MEGF6: variants seen among roughly 807,000 people sequenced by gnomAD.
MEGF6 encodes the protein multiple EGF like domains 6.
MEGF6 carries 184 observed loss-of-function variants against 207.1 expected under a neutral mutation model. The ratio of observed to expected loss-of-function variants is 0.89; its 90% confidence interval spans 0.79 to 1.00. The LOEUF (loss-of-function observed/expected upper bound fraction) is 1.00, where lower values mean the gene tolerates loss of function less well. Ranked by LOEUF, MEGF6 falls within the 50% of genes least tolerant of loss-of-function variation. The probability of loss-of-function intolerance (pLI) is 0.00; values close to 1 mark genes in which losing one functional copy is unlikely to be tolerated. For synonymous variants in MEGF6, 1,038 were observed against 910.0 expected (o/e 1.14, Z -2.53); for missense variants, 2,282 against 2,202.9 (o/e 1.04, Z -0.72).
rs1460482759 is a variant in MEGF6 at position 3,501,275 on chromosome 1, T to C, written c.2348A>G (p.Gln783Arg). The change falls in exon 19 of 37, where the codon CAG becomes CGG. Residue 783 changes from glutamine to arginine, a missense_variant. By Grantham distance (43) the Gln-to-Arg change is conservative (BLOSUM62 1). Coordinates refer to ENST00000356575, the MANE Select transcript of MEGF6 (RefSeq NM_001409.4). ...GTGCTGGCATGCTGGGCAGATCTCC[T>C]GGCAGCCCAGCCCCCAGCGGCCCTC... is the stretch of plus-strand genomic sequence containing the variant. ...CPEGRWGLGC[Q>R]EICPACQHAA... is the part of the protein sequence containing the mutation. 1 of 1,606,088 alleles carries C rather than the reference T, an allele frequency of 6.2e-7. No homozygotes were observed. The highest frequency in any genetic ancestry group is 8.5e-7 in the Non-Finnish European group (1 of 1,177,094).
In MEGF6 at chr1:3,509,251, A is replaced by G. The variant is rs776106583; in HGVS notation, c.1358-6T>C. 10 of 1,465,716 alleles carry G rather than the reference A, an allele frequency of 6.8e-6. No individual in the cohort carries two copies. In the East Asian group the frequency reaches 2.4e-4, roughly 36 times the overall value. 90.8% of individuals were successfully genotyped at this position (1,465,716 alleles called of 1,614,324 possible). ...CACCATCGGCTCCTCCAGGGCTGCC[A>G]GGGGCACAGAGGCGCCTTAGCCCCT... On this transcript the variant is annotated splice_region_variant and splice_polypyrimidine_tract_variant and intron_variant, in intron 11 of 36. Transcript: ENST00000356575.
intron 30 of MEGF6, 150 bp from the exon 31 acceptor site, chr1:3,494,891 G>A: frequency 8.2e-7 from 1 of 1,223,828 alleles, no homozygotes; most frequent in South Asian, 1.6e-5. Flanking sequence ...CACATGCCAG[G>A]GAGTGGCACC....
intron 3 of MEGF6, among the ~76,000 whole-genome samples, chr1:3,585,614 T>TGAG (rs1327024893): frequency 1.5e-5 from 2 of 131,462 alleles, no homozygotes; most frequent in African/African-American, 3.0e-5. Context: ...TGGGTGTGAG[T>TGAG]GACACATGTC....
At chr1:3,520,074 C>G (rs1461614144) in intron 5 of MEGF6, among the ~76,000 whole-genome samples, 6 of 152,246 alleles carry the variant, frequency 3.9e-5, no homozygotes, top group Non-Finnish European at 8.8e-5. Context: ...GGGAGAAGGA[C>G]AGCGGGCCCA....
intron 34 of MEGF6, 127 bp downstream of exon 34, chr1:3,493,644 G>C: frequency 7.6e-7 from 1 of 1,320,912 alleles, no homozygotes; most frequent in South Asian, 1.5e-5. Flanking sequence ...GCACAGTCCA[G>C]GTGCAGAGGC....
In MEGF6 at chr1:3,596,875, G is replaced by T. The variant is rs528379106; in HGVS notation, c.267-1428C>A. 2.0e-4 allele frequency among the ~76,000 whole-genome samples: 31 copies of T among 151,954 alleles called. 1 individual carries two copies. The South Asian group carries it at 6.2e-3, about 31-fold the overall frequency. ...TAGAGCAGAGGGAAGGTGGGAGGTG[G>T]GGGCACCCCAGCCCACAGCCCCAGC... On this transcript the variant is annotated intron_variant, in intron 2 of 36. Transcript: ENST00000356575.
intron 4 of MEGF6, among the ~76,000 whole-genome samples, chr1:3,540,716 C>A (rs1642488333): frequency 6.6e-6 from 1 of 152,182 alleles, no homozygotes. Flanking sequence ...CTCAGGGCAG[C>A]TTCACAGGGC....
Position 3,505,297 on chromosome 1 carries a change from G to A in MEGF6, c.2099C>T (p.Thr700Ile). ...GTCACAGGCCACGCCCACTGGGCAG[G>A]TGCATGCCTGCCAGCACCCCGGCCC... ...YFGPGCWQAC[T>I]CPVGVACDSV... The change falls in exon 17 of 37, where the codon ACC becomes ATC. Residue 700 changes from threonine to isoleucine, a missense_variant. Transcript: ENST00000356575. The A allele has an allele frequency of 6.2e-7, 1 of 1,612,188 alleles. No homozygotes were observed. The highest frequency in any genetic ancestry group is 8.5e-7 in the Non-Finnish European group (1 of 1,179,656).
At chr1:3,548,516 G>C (rs74050576) in intron 4 of MEGF6, among the ~76,000 whole-genome samples, 1,739 of 152,350 alleles carry the variant, frequency 0.011, 37 homozygotes, top group African/African-American at 0.04. Flanking sequence ...CAAGGCCAGG[G>C]GTCAGAGCCA....
Position 3,499,913 on chromosome 1 carries a change from C to T in MEGF6, c.2719G>A (p.Gly907Ser), listed in dbSNP as rs1463591496. The T allele has an allele frequency of 3.2e-6, 5 of 1,562,278 alleles. No homozygotes were observed. The highest frequency in any genetic ancestry group is 4.3e-6 in the Non-Finnish European group (5 of 1,154,410). ...TGCTCACAGCCGGGCCCAAAGTGGC[C>T]CTGGGGACACTCTGAGATATGCAGC... is the stretch of plus-strand genomic sequence containing the variant. ...GPRCEQQCPQGHFGPGCEQRC... is the reference protein window; with the variant it reads ...GPRCEQQCPQSHFGPGCEQRC... Residue 907 changes from glycine (G) to serine (S), a missense_variant, in exon 22 of 37, where the codon GGC becomes AGC. By Grantham distance (56) the Gly-to-Ser change is moderately conservative. Transcript: ENST00000356575.
chr1:3,579,730 G>T, intron 4 of MEGF6, 95 bp downstream of exon 4: 1 of 833,232 alleles, frequency 1.2e-6, no homozygotes, highest in Non-Finnish European at 1.8e-6. Flanking sequence ...CCCCTACACA[G>T]CTGTGCTGGG....
chr1:3,581,787 G>A (rs1047516542), intron 3 of MEGF6, among the ~76,000 whole-genome samples: 8 of 152,086 alleles, frequency 5.3e-5, no homozygotes, highest in African/African-American at 1.9e-4. Context: ...CTCGGAGCCT[G>A]GGGAAAAGCA....
rs772769708 is a variant in MEGF6 at position 3,509,232 on chromosome 1, C to T, written c.1371G>A (p.Pro457=). 16 of 1,523,758 alleles carry T rather than the reference C, an allele frequency of 1.1e-5. No homozygotes were observed. In the East Asian group the frequency reaches 2.5e-4, roughly 24 times the overall value. 94.4% of individuals were successfully genotyped at this position (1,523,758 alleles called of 1,614,324 possible). ...DRRGCSPLEE[P]MVDLDGELPF... ...GCAGCTCGCCGTCCAGGTCCACCAT[C>T]GGCTCCTCCAGGGCTGCCAGGGGCA... The change falls in exon 12 of 37, where the codon CCG becomes CCA. Residue 457 remains proline (P), a synonymous_variant. Transcript: ENST00000356575.
At position 3,605,577 on chromosome 1, in the gene MEGF6, CACAT is replaced by C. The variant is rs542100195; in HGVS notation, c.132-2981_132-2978del. 2.1e-3 allele frequency among the ~76,000 whole-genome samples: 326 copies of C among 152,168 alleles called. 3 individuals are homozygous for C. Among genetic ancestry groups the C allele is most frequent in the Middle Eastern group, 0.017 (5 of 294 alleles). ...ATACACTCATACACTCACATACACACACATACACTCATACAATGACACACACACA... is the reference window on the plus strand; with the variant it reads ...ATACACTCATACACTCACATACACACACACTCATACAATGACACACACACA... On this transcript the variant is annotated intron_variant, in intron 1 of 36. Transcript: ENST00000356575.
At chr1:3,522,771 C>T (rs907981005) in intron 5 of MEGF6, among the ~76,000 whole-genome samples, 12 of 152,152 alleles carry the variant, frequency 7.9e-5, no homozygotes, top group African/African-American at 2.7e-4. Flanking sequence ...AGAGGCCCCA[C>T]TGGGCTGACA....
chr1:3,540,788 C>T (rs193248858), intron 4 of MEGF6, among the ~76,000 whole-genome samples: 1 of 152,326 alleles, frequency 6.6e-6, no homozygotes, highest in East Asian at 1.9e-4. Context: ...CACGGCAGAG[C>T]CTTCCTGGCC....
At chr1:3,599,581 G>C (rs1416757206) in intron 2 of MEGF6, among the ~76,000 whole-genome samples, 2 of 152,254 alleles carry the variant, frequency 1.3e-5, no homozygotes, top group African/African-American at 4.8e-5. Flanking sequence ...GCACCCTTCA[G>C]GCCTGGGCAG....
intron 4 of MEGF6, among the ~76,000 whole-genome samples, chr1:3,530,814 G>C (rs988592927): frequency 4.6e-5 from 7 of 152,220 alleles, no homozygotes; most frequent in Non-Finnish European, 5.9e-5. Flanking sequence ...GACAAAGTCA[G>C]GGGATGTTTT....
Position 3,581,771 on chromosome 1 carries a change from C to T in MEGF6, c.377-1842G>A, listed in dbSNP as rs868066879. On this transcript the variant is annotated intron_variant, in intron 3 of 36. Transcript: ENST00000356575. ...CTGAAGGACGGAAGGCAGGACCTGC[C>T]CAGATCTCGGAGCCTGGGGAAAAGC... Among the ~76,000 whole-genome samples, 14 of 152,244 alleles carry T rather than the reference C, an allele frequency of 9.2e-5. No homozygotes were observed. In the South Asian group the frequency reaches 1.5e-3, roughly 16 times the overall value.
Sources: gnomAD v4.1 joint callset for allele counts (sites outside exome capture counted in the v4.1 genomes callset) on GRCh38, gnomAD v4.1.1 for gene constraint, MANE v1.5 for transcripts, NCBI Gene and HGNC (gene_info 2026-07-23, HGNC 2026-07-21) for gene names.